Variants in ABCA8 observed in about 807,000 individuals in gnomAD.
ABCA8 encodes ABC-type organic anion transporter ABCA8.
In ABCA8, 177 loss-of-function variants were observed where a neutral mutation model predicts 192.3. That is an observed-to-expected ratio of 0.92 (90% CI 0.81 to 1.04). ABCA8 has a LOEUF of 1.04. ABCA8 is among the 50% of genes least tolerant of loss of function. The pLI, the probability that ABCA8 is intolerant of heterozygous loss-of-function variation, is 0.00. For synonymous variants in ABCA8, 642 were observed against 690.2 expected, an observed-to-expected ratio of 0.93 and a Z score of 1.09; for missense variants, 1,915 against 1,904.8, an observed-to-expected ratio of 1.01 and a Z score of -0.10.
chr17:68,953,011 C>T (rs1221701257), intron 1 of ABCA8, among the ~76,000 whole-genome samples: 1 of 152,130 alleles, frequency 6.6e-6, no homozygotes, highest in East Asian at 1.9e-4. Flanking sequence ...AATAAGAGCA[C>T]CACATCTTTC....
At chr17:68,884,493 T>A in intron 27 of ABCA8, 97 bp from the exon 28 acceptor site, 5 of 1,407,866 alleles carry the variant, frequency 3.6e-6, no homozygotes, top group Non-Finnish European at 4.6e-6. Flanking sequence ...CTGCTAACAT[T>A]TGACCATGAA....
At chr17:68,876,339 C>A in intron 35 of ABCA8, 121 bp downstream of exon 35, 1 of 1,072,850 alleles carries the variant, frequency 9.3e-7, no homozygotes, top group Non-Finnish European at 1.4e-6. Context: ...TTACAAGTGA[C>A]ATTGATAGTT....
chr17:68,903,538 T>TA (rs1193907208), intron 19 of ABCA8, 39 bp from the exon 20 acceptor site: 1 of 1,592,746 alleles, frequency 6.3e-7, no homozygotes, highest in South Asian at 1.1e-5. Flanking sequence ...TGTACTTTAT[T>TA]GAGCTTACTA....
chr17:68,933,382 CA>C (rs1373433858), intron 5 of ABCA8, 111 bp from the exon 6 acceptor site: 1 of 640,142 alleles, frequency 1.6e-6, no homozygotes, highest in African/African-American at 1.9e-5. Context: ...CCCCAAATTC[CA>C]AATGTTCTTA....
At chr17:68,883,966 C>T in intron 28 of ABCA8, 84 bp from the exon 29 acceptor site, 1 of 848,420 alleles carries the variant, frequency 1.2e-6, no homozygotes, top group Middle Eastern at 3.4e-4. Context: ...AACCGAACTT[C>T]TAAAAAAATA....
intron 10 of ABCA8, among the ~76,000 whole-genome samples, chr17:68,927,247 G>A (rs1467294108): frequency 6.6e-6 from 1 of 152,018 alleles, no homozygotes; most frequent in East Asian, 1.9e-4. Flanking sequence ...GACAGAGTGA[G>A]AGTCTGTCTC....
At chr17:68,929,443 A>AT in intron 8 of ABCA8, 118 bp downstream of exon 8, 1 of 1,281,162 alleles carries the variant, frequency 7.8e-7, no homozygotes, top group Non-Finnish European at 1.1e-6. Context: ...CTGTTTATAG[A>AT]TTTTTCACAT....
intron 13 of ABCA8, among the ~76,000 whole-genome samples, chr17:68,920,671 T>C (rs1215791359): frequency 6.6e-6 from 1 of 152,220 alleles, no homozygotes; most frequent in Admixed American, 6.5e-5. Flanking sequence ...TATTTGTCAA[T>C]TGACTTTGAA....
rs199899948 is a variant in ABCA8, at chr17:68,876,711, A to C, written c.4200-8T>G. ...TTGAGCGCATCCACTAACCTGAAGG[A>C]AACAGGAGAGTCGTACAGTCTTCTT... On this transcript the variant is annotated splice_region_variant and splice_polypyrimidine_tract_variant and intron_variant, in intron 33 of 39. Coordinates refer to ENST00000586539, the MANE Select transcript of ABCA8 (RefSeq NM_001288985.2). The C allele has an allele frequency of 1.1e-4, 176 of 1,614,164 alleles. No individual in the cohort carries two copies. Among genetic ancestry groups the C allele is most frequent in the Non-Finnish European group, 1.4e-4 (167 of 1,180,008 alleles).
chr17:68,888,766 C>T (rs2066553991), intron 24 of ABCA8, among the ~76,000 whole-genome samples: 1 of 152,068 alleles, frequency 6.6e-6, no homozygotes, highest in Non-Finnish European at 1.5e-5. Flanking sequence ...AAATTAGATA[C>T]AATTAGAGAT....
Position 68,891,820 on chromosome 17 carries a change from G to A in ABCA8, c.3037-224C>T, listed in dbSNP as rs16973412. Among the ~76,000 whole-genome samples, 59 of 152,160 alleles carry A rather than the reference G, an allele frequency of 3.9e-4. No homozygotes were observed. In the East Asian group the frequency reaches 0.01, roughly 26 times the overall value. On this transcript the variant is annotated intron_variant, in intron 23 of 39. Transcript: ENST00000586539. ...AAAGATGAATGCACTGATAACATTT[G>A]GAAAATAATAAGAACAAGATTTTTC... is the stretch of plus-strand genomic sequence containing the variant.
Position 68,940,857 on chromosome 17 carries a change from C to G in ABCA8, c.202G>C (p.Asp68His), listed in dbSNP as rs777663945. The stretch of plus-strand genomic sequence containing the variant: ...GAAAATCTGGATTCATTAAATGTAT[C>G]TACCCGTCCCAGGTCCATGGTAAGC... ...SLLTMDLGRV[D>H]TFNESRFSVV... is the part of the protein sequence containing the mutation. The change falls in exon 4 of 40, where the codon GAT becomes CAT. Residue 68 changes from aspartate to histidine, a missense_variant. Transcript: ENST00000586539. The G allele has an allele frequency of 2.5e-6, 4 of 1,613,352 alleles. No individual in the cohort carries two copies. The East Asian group carries it at 8.9e-5, about 36-fold the overall frequency.
At chr17:68,889,543 T>C (rs1223141053) in intron 24 of ABCA8, among the ~76,000 whole-genome samples, 2 of 152,184 alleles carry the variant, frequency 1.3e-5, no homozygotes, top group Non-Finnish European at 2.9e-5. Flanking sequence ...TCTTTTTAAT[T>C]TTGGGGGGTA....
Position 68,869,742 on chromosome 17 carries a change from C to T in ABCA8, c.4669G>A (p.Asp1557Asn), listed in dbSNP as rs1282824490. The T allele has an allele frequency of 1.2e-6, 2 of 1,613,352 alleles. No individual in the cohort carries two copies. The highest frequency in any genetic ancestry group is 1.1e-5 in the South Asian group (1 of 91,024). ...AAAGCTTGGGCTAAAGGTTGCACAT[C>T]TTCCACTGGCAACTTATAAACCATC... is the stretch of plus-strand genomic sequence containing the variant. ...SLMVYKLPVEDVQPLAQAFFK... is the reference protein window; with the variant it reads ...SLMVYKLPVENVQPLAQAFFK... The change falls in exon 38 of 40, where the codon GAT becomes AAT. Residue 1557 changes from aspartate (D) to asparagine (N), a missense_variant. Asp to Asn is a conservative substitution (Grantham distance 23). Coordinates refer to ENST00000586539, the MANE Select transcript of ABCA8 (RefSeq NM_001288985.2).
At chr17:68,884,454 A>G (rs1391054708) in intron 27 of ABCA8, 58 bp from the exon 28 acceptor site, 1 of 1,524,720 alleles carries the variant, frequency 6.6e-7, no homozygotes, top group African/African-American at 1.4e-5. Context: ...AATTTTGTCC[A>G]CATATACGTG....
At chr17:68,873,960 G>A (rs2066135975) in intron 37 of ABCA8, among the ~76,000 whole-genome samples, 1 of 152,142 alleles carries the variant, frequency 6.6e-6, no homozygotes, top group Non-Finnish European at 1.5e-5. Context: ...AGCTTTGTAT[G>A]TGGGTTGTTA....
intron 7 of ABCA8, chr17:68,932,079 C>G (rs2067904552): frequency 2.5e-6 from 1 of 394,838 alleles, no homozygotes; most frequent in African/African-American, 2.0e-5. Flanking sequence ...GCATGGTGGT[C>G]GGCACCTGCA....
chr17:68,902,083 CCAT>C (rs1334955927), intron 21 of ABCA8, among the ~76,000 whole-genome samples: 1 of 152,052 alleles, frequency 6.6e-6, no homozygotes, highest in African/African-American at 2.4e-5. Context: ...TGTGGTATAA[CCAT>C]CAATAAAATA....
chr17:68,886,240 C>T (rs774342661), intron 26 of ABCA8, among the ~76,000 whole-genome samples: 16 of 152,134 alleles, frequency 1.1e-4, no homozygotes, highest in Non-Finnish European at 1.8e-4. Flanking sequence ...GCTCTGTAAG[C>T]TTTTAAATCC....
Sources: gnomAD v4.1 joint callset for allele counts (sites outside exome capture counted in the v4.1 genomes callset) on GRCh38, gnomAD v4.1.1 for gene constraint, MANE v1.5 for transcripts, NCBI Gene and HGNC (gene_info 2026-07-23, HGNC 2026-07-21) for gene names.